Variants in CTIF observed in about 807,000 individuals in gnomAD.
The protein encoded by CTIF is cap binding complex dependent translation initiation factor.
A neutral mutation model predicts 66.0 loss-of-function variants in CTIF; 21 were observed. The ratio of observed to expected loss-of-function variants is 0.32; its 90% CI spans 0.23 to 0.46. The LOEUF is 0.46. Ranked by LOEUF, CTIF falls within the 20% of genes least tolerant of loss-of-function variation. The pLI is 1.00. For missense variants in CTIF, 739 were observed against 812.7 expected (o/e 0.91, Z 1.10); for synonymous variants, 345 against 326.4 (o/e 1.06, Z -0.62).
intron 1 of CTIF, among the ~76,000 whole-genome samples, chr18:48,546,381 C>G (rs1296749230): frequency 6.6e-6 from 1 of 152,132 alleles, no homozygotes; most frequent in Admixed American, 6.5e-5. Context: ...GGTGGGAGGT[C>G]AGTCAGGGAA....
intron 1 of CTIF, among the ~76,000 whole-genome samples, chr18:48,552,701 G>C (rs932284468): frequency 4.6e-5 from 7 of 152,100 alleles, no homozygotes; most frequent in Non-Finnish European, 1.0e-4. Context: ...GTGAATTTTG[G>C]GGGGATACAT....
At chr18:48,754,472 T>C (rs543890179) in intron 7 of CTIF, among the ~76,000 whole-genome samples, 3 of 152,326 alleles carry the variant, frequency 2.0e-5, no homozygotes, top group Admixed American at 1.3e-4. Flanking sequence ...AGCAAGGCCT[T>C]GTGCAGGAAG....
intron 7 of CTIF, among the ~76,000 whole-genome samples, chr18:48,723,372 T>G (rs2092358686): frequency 6.6e-6 from 1 of 151,904 alleles, no homozygotes; most frequent in Admixed American, 6.6e-5. Flanking sequence ...TGATGAGATT[T>G]CAGATGAGAC....
rs1011596809 is a variant in CTIF, at chr18:48,546,801, C to T, written c.-29+7489C>T. On this transcript the variant is annotated intron_variant, in intron 1 of 11. Transcript: ENST00000256413. ...AGGATGGACTAGACAGCAGCCCGTC[C>T]GCATGGGGGATGGAAAGTGGGTGTG... Among the ~76,000 whole-genome samples, 9 of 152,248 alleles carry T rather than the reference C, an allele frequency of 5.9e-5. No homozygotes were observed. The East Asian group carries it at 1.7e-3, about 29-fold the overall frequency.
chr18:48,846,810 G>A (rs1458543613), intron 10 of CTIF, among the ~76,000 whole-genome samples: 2 of 151,670 alleles, frequency 1.3e-5, no homozygotes, highest in Non-Finnish European at 2.9e-5. Context: ...TGGATGAAAG[G>A]ATGGATGGAT....
intron 7 of CTIF, among the ~76,000 whole-genome samples, chr18:48,712,958 T>C (rs2092243082): frequency 6.6e-6 from 1 of 152,096 alleles, no homozygotes; most frequent in Non-Finnish European, 1.5e-5. Flanking sequence ...GGCTTAGAAA[T>C]CAGAACCACC....
Position 48,761,194 on chromosome 18 carries a change from C to T in CTIF, c.1072-196C>T. On this transcript the variant is annotated intron_variant, in intron 8 of 11. Transcript: ENST00000256413. This position sits in a 1 kb window ranked among gnomAD's most constrained non-coding sequence, Gnocchi z 4.2. ...TATCAGCCCTGGATGTCATAGGGGC[C>T]AAGAAAAAAGGCAACAAGGAGCTTT... is the stretch of plus-strand genomic sequence containing the variant. The T allele has an allele frequency of 1.7e-6, 1 of 582,218 alleles. No individual in the cohort carries two copies. The highest frequency in any genetic ancestry group is 2.8e-5 in the East Asian group (1 of 35,572). 36.1% of individuals were successfully genotyped at this position (582,218 alleles called of 1,614,324 possible). A position where few individuals can be genotyped will look rare whatever the true frequency, so the allele number is the denominator to read the frequency against.
At chr18:48,575,657 A>G (rs192939984) in intron 1 of CTIF, among the ~76,000 whole-genome samples, 3 of 152,318 alleles carry the variant, frequency 2.0e-5, no homozygotes, top group Non-Finnish European at 4.4e-5. Context: ...GTGGAGATGC[A>G]GCTTTGCTCT....
chr18:48,751,735 G>C (rs544282319), intron 7 of CTIF, among the ~76,000 whole-genome samples: 82 of 152,288 alleles, frequency 5.4e-4, no homozygotes, highest in African/African-American at 1.8e-3. Flanking sequence ...AGGATTAGGG[G>C]AGTGCTGAAG....
At chr18:48,605,592 G>A (rs1449835182) in intron 1 of CTIF, among the ~76,000 whole-genome samples, 1 of 152,224 alleles carries the variant, frequency 6.6e-6, no homozygotes. Context: ...ATGGGAAGTA[G>A]AGACCAAAGA....
At chr18:48,692,053 A>G (rs775368698) in intron 6 of CTIF, among the ~76,000 whole-genome samples, 4 of 152,080 alleles carry the variant, frequency 2.6e-5, no homozygotes, top group Non-Finnish European at 4.4e-5. Flanking sequence ...GCTAATTTGT[A>G]TATCTTTTAG....
chr18:48,663,770 T>C lies in CTIF; in HGVS notation c.271T>C (p.Ser91Pro), dbSNP rs1318323348. 6.2e-7 allele frequency: 1 copy of C among 1,614,046 alleles called. No homozygotes were observed. The highest frequency in any genetic ancestry group is 1.7e-5 in the Admixed American group (1 of 60,018). ...CTTCCAGAATGGCAGCAAAGACAACTCTCTGGACATGCTGGGCACGGACAT... is the reference window on the plus strand; with the variant it reads ...CTTCCAGAATGGCAGCAAAGACAACCCTCTGGACATGCTGGGCACGGACAT... ...PPQQNGSKDN[S>P]LDMLGTDIWA... is the part of the protein sequence containing the mutation. The change falls in exon 4 of 12, where the codon TCT (serine) becomes CCT (proline). Residue 91 changes from serine (S) to proline (P), a missense_variant. Ser to Pro is a moderately conservative substitution (Grantham distance 74). This residue lies in a region of CTIF where 529 missense variants were observed against 520.3 expected (regional missense o/e 1.02). Coordinates refer to ENST00000256413, the MANE Select transcript of CTIF (RefSeq NM_014772.3).
At chr18:48,750,359 G>A (rs181441101) in intron 7 of CTIF, among the ~76,000 whole-genome samples, 10 of 152,352 alleles carry the variant, frequency 6.6e-5, no homozygotes, top group Non-Finnish European at 1.0e-4. Context: ...AAATGGGTCC[G>A]CAGTTGAGTG....
At chr18:48,590,746 G>C (rs932592285) in intron 1 of CTIF, among the ~76,000 whole-genome samples, 1 of 152,196 alleles carries the variant, frequency 6.6e-6, no homozygotes, top group Non-Finnish European at 1.5e-5. Flanking sequence ...CATCCATTTC[G>C]GATGACTTCC....
chr18:48,732,729 A>G (rs2092467321), intron 7 of CTIF, among the ~76,000 whole-genome samples: 1 of 152,098 alleles, frequency 6.6e-6, no homozygotes, highest in South Asian at 2.1e-4. Context: ...TCCAGACAAT[A>G]TGGCCTGGCC....
chr18:48,581,648 C>T (rs1016507522), intron 1 of CTIF, among the ~76,000 whole-genome samples: 8 of 152,132 alleles, frequency 5.3e-5, no homozygotes, highest in Admixed American at 3.9e-4. Flanking sequence ...CCCCAGGGGT[C>T]GGGCAGCCAG....
intron 9 of CTIF, among the ~76,000 whole-genome samples, chr18:48,787,992 C>T (rs1038275018): frequency 1.3e-5 from 2 of 152,104 alleles, no homozygotes; most frequent in South Asian, 2.1e-4. Context: ...AGGATCTCAG[C>T]GGGAGGTGAG....
In CTIF at chr18:48,596,244, G is replaced by A. The variant is rs139900033; in HGVS notation, c.-28-23294G>A. Among the ~76,000 whole-genome samples the A allele has an allele frequency of 3.0e-4, 46 of 152,286 alleles. 1 individual carries two copies. The highest frequency in any genetic ancestry group is 1.1e-3 in the African/African-American group (46 of 41,564). On this transcript the variant is annotated intron_variant, in intron 1 of 11. Coordinates refer to ENST00000256413, the MANE Select transcript of CTIF (RefSeq NM_014772.3). ...ATTTCTTTCTTACGTCTACAGGCAGGCAGCTCAGGCCTCGTGTGAGGGCTC... is the reference window on the plus strand; with the variant it reads ...ATTTCTTTCTTACGTCTACAGGCAGACAGCTCAGGCCTCGTGTGAGGGCTC...
chr18:48,621,619 C>A (rs1216784610), intron 2 of CTIF: 1 of 343,954 alleles, frequency 2.9e-6, no homozygotes, highest in Non-Finnish European at 5.5e-6. Context: ...GGGAGACTGC[C>A]TTGCGGGCCA....
Sources: allele counts gnomAD v4.1 joint callset (sites outside exome capture counted in the v4.1 genomes callset), GRCh38; gene constraint gnomAD v4.1.1; regional missense constraint gnomAD v4.1.1; non-coding constraint Gnocchi (gnomAD v3.1); transcripts MANE v1.5; gene names NCBI Gene and HGNC (gene_info 2026-07-23, HGNC 2026-07-21).